The following SLC16A4 variants were observed in gnomAD, a reference collection of about 807,000 sequenced individuals.
SLC16A4 encodes the protein probable monocarboxylate transporter 5.
In SLC16A4, 39 loss-of-function variants were observed where a neutral mutation model predicts 47.9. The ratio of observed to expected loss-of-function variants is 0.81; its 90% CI spans 0.63 to 1.06. SLC16A4 has a LOEUF of 1.06. SLC16A4 is among the 50% of genes least tolerant of loss of function. SLC16A4 has a pLI of 0.00. For missense variants in SLC16A4, 524 were observed against 573.8 expected, an observed-to-expected ratio of 0.91 and a Z score of 0.89; for synonymous variants, 189 against 199.9, an observed-to-expected ratio of 0.95 and a Z score of 0.46.
intron 4 of SLC16A4, 133 bp from the exon 5 acceptor site, chr1:110,381,276 G>T (rs981861237): frequency 7.0e-6 from 5 of 713,546 alleles, no homozygotes; most frequent in Non-Finnish European, 7.0e-6. Context: ...GAAGAGTCCT[G>T]TTCCATCTTC....
intron 1 of SLC16A4, 26 bp from the exon 2 acceptor site, chr1:110,389,381 T>C: frequency 7.7e-7 from 1 of 1,295,270 alleles, no homozygotes; most frequent in Non-Finnish European, 1.1e-6. Flanking sequence ...GACAGTTGAT[T>C]CAGTGGACCA....
chr1:110,363,177 G>T lies in SLC16A4; in HGVS notation c.*589C>A, dbSNP rs150302704. 6.6e-6 allele frequency: 1 copy of T among 152,228 alleles called. No individual in the cohort carries two copies. The highest frequency in any genetic ancestry group is 1.9e-4 in the East Asian group (1 of 5,182). The allele number at this position is 152,228 out of a possible 1,614,324, so 9.4% of individuals were successfully genotyped here. On this transcript the variant is annotated 3_prime_UTR_variant, in exon 9 of 9. Coordinates refer to ENST00000369779, the MANE Select transcript of SLC16A4 (RefSeq NM_004696.3). ...ATTACCATGGCGTAATTGAGAGTTTGGATTTATTATGGTACATTCCGATTT... is the reference window on the plus strand; with the variant it reads ...ATTACCATGGCGTAATTGAGAGTTTTGATTTATTATGGTACATTCCGATTT...
intron 7 of SLC16A4, 79 bp downstream of exon 7, chr1:110,376,871 A>G: frequency 8.6e-7 from 1 of 1,162,574 alleles, no homozygotes; most frequent in Non-Finnish European, 1.2e-6. Flanking sequence ...TTAATACAAA[A>G]TACGTATTTT....
chr1:110,389,571 A>G (rs192707921), intron 1 of SLC16A4, among the ~76,000 whole-genome samples: 1 of 152,340 alleles, frequency 6.6e-6, no homozygotes, highest in East Asian at 1.9e-4. Flanking sequence ...AAGGAAGATA[A>G]ATTGTTCTAC....
intron 3 of SLC16A4, among the ~76,000 whole-genome samples, chr1:110,382,479 AT>A (rs1186309823): frequency 6.6e-6 from 1 of 152,044 alleles, no homozygotes; most frequent in Non-Finnish European, 1.5e-5. Flanking sequence ...AATAAATAAA[AT>A]TGTTTTGAAT....
At chr1:110,369,478 TAGTCCC>T (rs1661578562) in intron 8 of SLC16A4, among the ~76,000 whole-genome samples, 1 of 152,058 alleles carries the variant, frequency 6.6e-6, no homozygotes, top group Admixed American at 6.6e-5. Flanking sequence ...CACACGCCTG[TAGTCCC>T]AGCTACTCAG....
intron 2 of SLC16A4, among the ~76,000 whole-genome samples, chr1:110,387,344 T>A (rs1174733317): frequency 6.6e-6 from 1 of 152,118 alleles, no homozygotes; most frequent in Non-Finnish European, 1.5e-5. Context: ...AGAATGAATC[T>A]CTCTCTCTTT....
rs769352672 is a variant in SLC16A4, at chr1:110,379,271, G to A, written c.612C>T (p.Asn204=). 6.2e-7 allele frequency: 1 copy of A among 1,614,068 alleles called. No individual in the cohort carries two copies. The highest frequency in any genetic ancestry group is 1.7e-5 in the Admixed American group (1 of 60,004). Residue 204 remains asparagine, a synonymous_variant, in exon 6 of 9, where the codon AAC becomes AAT. Transcript: ENST00000369779. Reference sequence around the variant, plus strand: ...TGCCTTTATCTTTAATACCAGAATTGTTCTCACTTTTGATATGGATGGGTC... The same window carrying A: ...TGCCTTTATCTTTAATACCAGAATTATTCTCACTTTTGATATGGATGGGTC... ...LLRPIHIKSE[N]NSGIKDKGSS... is the part of the protein sequence containing the mutation.
intron 8 of SLC16A4, among the ~76,000 whole-genome samples, chr1:110,368,178 A>G (rs1014518944): frequency 6.6e-6 from 1 of 152,240 alleles, no homozygotes; most frequent in African/African-American, 2.4e-5. Context: ...AAGCCACTGT[A>G]TTCTCACCAT....
Position 110,381,642 on chromosome 1 carries a change from A to G in SLC16A4, c.364+10T>C, listed in dbSNP as rs1446346555. 7 of 1,607,482 alleles carry G rather than the reference A, an allele frequency of 4.4e-6. No homozygotes were observed. Among genetic ancestry groups the G allele is most frequent in the South Asian group, 3.3e-5 (3 of 89,908 alleles). On this transcript the variant is annotated intron_variant, in intron 4 of 8. Coordinates refer to ENST00000369779, the MANE Select transcript of SLC16A4 (RefSeq NM_004696.3). ...GGCCTTCTATGGTCACATAATTACAATGGACTCACCGGGTAGAAGTCCCAT... is the reference window on the plus strand; with the variant it reads ...GGCCTTCTATGGTCACATAATTACAGTGGACTCACCGGGTAGAAGTCCCAT...
intron 1 of SLC16A4, among the ~76,000 whole-genome samples, chr1:110,390,211 A>G (rs1380622386): frequency 1.3e-5 from 2 of 152,066 alleles, no homozygotes; most frequent in Non-Finnish European, 2.9e-5. Flanking sequence ...CCACTCCTAG[A>G]ACTGTACTCA....
At chr1:110,390,020 T>G (rs1662950987) in intron 1 of SLC16A4, among the ~76,000 whole-genome samples, 1 of 152,156 alleles carries the variant, frequency 6.6e-6, no homozygotes, top group Non-Finnish European at 1.5e-5. Flanking sequence ...AACCTACACA[T>G]GTACCCCCTG....
chr1:110,385,274 A>C (rs999585975), intron 2 of SLC16A4, among the ~76,000 whole-genome samples: 1 of 152,226 alleles, frequency 6.6e-6, no homozygotes, highest in African/African-American at 2.4e-5. Context: ...CGCACGTCAC[A>C]TGGGTTAAGC....
chr1:110,388,013 A>C (rs1662823701), intron 2 of SLC16A4, among the ~76,000 whole-genome samples: 2 of 152,128 alleles, frequency 1.3e-5, no homozygotes, highest in South Asian at 4.1e-4. Context: ...CATGTGAACT[A>C]TAGGATTATT....
At chr1:110,364,461 G>A (rs569229553) in intron 8 of SLC16A4, among the ~76,000 whole-genome samples, 2 of 151,232 alleles carry the variant, frequency 1.3e-5, no homozygotes, top group South Asian at 2.1e-4. Context: ...TGATCACGTG[G>A]GTTAAACAAT....
At position 110,377,064 on chromosome 1, in the gene SLC16A4, G is replaced by A. The variant is rs547354953; in HGVS notation, c.1128C>T (p.Cys376=). 374 of 1,614,060 alleles carry A rather than the reference G, an allele frequency of 2.3e-4. 5 individuals are homozygous for A. In the South Asian group the frequency reaches 3.1e-3, roughly 13 times the overall value. Residue 376 remains cysteine, a synonymous_variant, in exon 7 of 9, where the codon TGC becomes TGT. Coordinates refer to ENST00000369779, the MANE Select transcript of SLC16A4 (RefSeq NM_004696.3). The part of the protein sequence containing the change: ...YHYHKSYLIL[C]GITNLLAPLA... ...AAGGAGCAAGCAGGTTAGTGATGCC[G>A]CAGAGGATGAGGTAAGACTTGTGGT...
rs751765683 is a variant in SLC16A4 at position 110,375,389 on chromosome 1, A to T, written c.1336+69T>A. 6.8e-6 allele frequency: 6 copies of T among 880,616 alleles called. No homozygotes were observed. The South Asian group carries it at 8.1e-5, about 12-fold the overall frequency. The allele number at this position is 880,616 out of a possible 1,614,324, so 54.6% of individuals were successfully genotyped here. On this transcript the variant is annotated intron_variant, in intron 8 of 8. Coordinates refer to ENST00000369779, the MANE Select transcript of SLC16A4 (RefSeq NM_004696.3). ...CCTGATACCATCATTACATGTTACC[A>T]TTAATCCTGGATCAGTTTTTCTCTT...
intron 2 of SLC16A4, among the ~76,000 whole-genome samples, chr1:110,387,881 T>C (rs939878967): frequency 2.1e-4 from 32 of 152,256 alleles, no homozygotes; most frequent in African/African-American, 7.5e-4. Flanking sequence ...ACTACTATTA[T>C]GTGTTAAGAG....
chr1:110,387,918 G>C (rs144026937), intron 2 of SLC16A4, among the ~76,000 whole-genome samples: 1 of 109,676 alleles, frequency 9.1e-6, no homozygotes, highest in Non-Finnish European at 2.0e-5. Context: ...TCCTGGCTGG[G>C]GACCTCTGCC....
Sources: gnomAD v4.1 joint callset for allele counts (sites outside exome capture counted in the v4.1 genomes callset) on GRCh38, gnomAD v4.1.1 for gene constraint, MANE v1.5 for transcripts, NCBI Gene and HGNC (gene_info 2026-07-23, HGNC 2026-07-21) for gene names.